Variants in AGBL4 observed in about 807,000 individuals in gnomAD.
AGBL4 encodes the protein AGBL carboxypeptidase 4.
In AGBL4, 58 loss-of-function variants were observed where a neutral mutation model predicts 66.4. That is an observed-to-expected ratio of 0.87 (90% CI 0.71 to 1.09). The LOEUF is 1.09. Ranked by LOEUF, AGBL4 falls within the 50% of genes least tolerant of loss-of-function variation. AGBL4 has a pLI of 0.00. For synonymous variants in AGBL4, 234 were observed against 222.9 expected (o/e 1.05, Z -0.44); for missense variants, 579 against 631.0 (o/e 0.92, Z 0.88).
intron 1 of AGBL4, among the ~76,000 whole-genome samples, chr1:49,882,207 G>A (rs1214027688): frequency 6.7e-6 from 1 of 150,176 alleles, no homozygotes; most frequent in Non-Finnish European, 1.5e-5. Context: ...TAGATATGCG[G>A]CATTATTTCT....
At chr1:49,696,650 A>G (rs1204779538) in intron 3 of AGBL4, among the ~76,000 whole-genome samples, 1 of 152,120 alleles carries the variant, frequency 6.6e-6, no homozygotes, top group Non-Finnish European at 1.5e-5. Context: ...ATATTTCAGT[A>G]TGTATTATAT....
At chr1:49,273,832 T>C (rs1330769172) in intron 3 of AGBL4, among the ~76,000 whole-genome samples, 1 of 152,020 alleles carries the variant, frequency 6.6e-6, no homozygotes, top group Non-Finnish European at 1.5e-5. Flanking sequence ...CGTGCCACCA[T>C]GCCCTGATGA....
chr1:49,246,214 A>T (rs1458820644), intron 3 of AGBL4, among the ~76,000 whole-genome samples: 1 of 151,984 alleles, frequency 6.6e-6, no homozygotes, highest in Non-Finnish European at 1.5e-5. Context: ...TTAAATTAAT[A>T]TATGTACAGT....
chr1:49,564,044 G>T (rs1000492090), intron 3 of AGBL4, among the ~76,000 whole-genome samples: 1 of 152,126 alleles, frequency 6.6e-6, no homozygotes, highest in Non-Finnish European at 1.5e-5. Flanking sequence ...TTGGGAGGGT[G>T]TATGTGTCGA....
At chr1:48,749,394 C>T (rs985438683) in intron 6 of AGBL4, among the ~76,000 whole-genome samples, 5 of 152,102 alleles carry the variant, frequency 3.3e-5, no homozygotes, top group South Asian at 4.1e-4. Flanking sequence ...ACGTGTTTAG[C>T]GAAAGAAGTT....
intron 5 of AGBL4, among the ~76,000 whole-genome samples, chr1:48,905,050 T>C (rs776142866): frequency 6.6e-6 from 1 of 152,218 alleles, no homozygotes; most frequent in Non-Finnish European, 1.5e-5. Flanking sequence ...GATCCTTCAA[T>C]CTACCTAAAA....
chr1:49,089,511 C>T (rs1273823407), intron 4 of AGBL4, among the ~76,000 whole-genome samples: 1 of 152,070 alleles, frequency 6.6e-6, no homozygotes, highest in East Asian at 1.9e-4. Context: ...TAAATGATTA[C>T]ATTTCTTGAA....
At chr1:49,323,119 T>C (rs1645159958) in intron 3 of AGBL4, among the ~76,000 whole-genome samples, 1 of 152,218 alleles carries the variant, frequency 6.6e-6, no homozygotes, top group Admixed American at 6.5e-5. Flanking sequence ...GTTTTGATTG[T>C]AAACACACTC....
At chr1:49,029,381 A>G (rs1193088567) in intron 5 of AGBL4, among the ~76,000 whole-genome samples, 1 of 152,208 alleles carries the variant, frequency 6.6e-6, no homozygotes, top group African/African-American at 2.4e-5. Flanking sequence ...GAAAATGCAA[A>G]GCTAAATTTG....
At chr1:49,809,648 G>T (rs1645054725) in intron 2 of AGBL4, among the ~76,000 whole-genome samples, 1 of 151,982 alleles carries the variant, frequency 6.6e-6, no homozygotes, top group Non-Finnish European at 1.5e-5. Flanking sequence ...TGTTACAAGG[G>T]TAAGTCTCAT....
At chr1:49,933,465 A>G (rs1653577689) in intron 1 of AGBL4, among the ~76,000 whole-genome samples, 2 of 152,156 alleles carry the variant, frequency 1.3e-5, no homozygotes, top group Non-Finnish European at 2.9e-5. Flanking sequence ...TGAAAGTAAA[A>G]AACTCACTAT....
At chr1:49,533,192 C>A (rs1201246733) in intron 3 of AGBL4, among the ~76,000 whole-genome samples, 4 of 152,106 alleles carry the variant, frequency 2.6e-5, no homozygotes, top group Non-Finnish European at 5.9e-5. Flanking sequence ...TACACCCCGC[C>A]CCCACACACA....
intron 3 of AGBL4, among the ~76,000 whole-genome samples, chr1:49,635,108 C>A (rs1645646015): frequency 6.6e-6 from 1 of 152,152 alleles, no homozygotes; most frequent in Non-Finnish European, 1.5e-5. Context: ...GAGCAGTAAT[C>A]AAAGGCTTGA....
chr1:48,874,199 T>C (rs1427708511), intron 5 of AGBL4, among the ~76,000 whole-genome samples: 1 of 152,156 alleles, frequency 6.6e-6, no homozygotes, highest in Non-Finnish European at 1.5e-5. Context: ...TAAGCACACA[T>C]TTGGCTTCAG....
At chr1:49,477,124 A>G (rs1646862501) in intron 3 of AGBL4, among the ~76,000 whole-genome samples, 1 of 152,118 alleles carries the variant, frequency 6.6e-6, no homozygotes, top group Non-Finnish European at 1.5e-5. Flanking sequence ...CTCTGGACCC[A>G]TGCAGGGCCT....
intron 3 of AGBL4, among the ~76,000 whole-genome samples, chr1:49,561,644 T>A (rs1464724899): frequency 1.3e-5 from 2 of 152,114 alleles, no homozygotes; most frequent in Non-Finnish European, 2.9e-5. Context: ...AACTCATCAT[T>A]TTTTATGGCT....
intron 6 of AGBL4, among the ~76,000 whole-genome samples, chr1:48,674,908 A>G (rs1274806892): frequency 6.6e-6 from 1 of 151,982 alleles, no homozygotes. Context: ...TATTATAGCA[A>G]TTGCCCAGCA....
rs1218705917 is a variant in AGBL4 at position 49,662,396 on chromosome 1, CAA to C, written c.282+34915_282+34916del. ...TTTCCCTCAAAAATAGTTTAAAAGA[CAA>C]AAAAGAAGGCGAAGGGAAACATCTT... On this transcript the variant is annotated intron_variant, in intron 3 of 13. Transcript: ENST00000371839. 2.0e-5 allele frequency among the ~76,000 whole-genome samples: 3 copies of C among 151,848 alleles called. No individual in the cohort carries two copies. The East Asian group carries it at 5.8e-4, about 29-fold the overall frequency.
At chr1:48,727,149 T>C (rs1258993971) in intron 6 of AGBL4, among the ~76,000 whole-genome samples, 1 of 152,164 alleles carries the variant, frequency 6.6e-6, no homozygotes. Context: ...AGATACAAGA[T>C]AGGATGAAAG....
Sources: gnomAD v4.1 joint callset for allele counts (sites outside exome capture counted in the v4.1 genomes callset) on GRCh38, gnomAD v4.1.1 for gene constraint, MANE v1.5 for transcripts, NCBI Gene and HGNC (gene_info 2026-07-23, HGNC 2026-07-21) for gene names.